Variants in RBM47 observed in about 807,000 individuals in gnomAD.
RBM47 encodes the protein RNA-binding protein 47.
Under a neutral mutation model 47.1 loss-of-function variants are expected in RBM47, and 21 were observed. The observed-to-expected ratio is 0.45, with a 90% CI of 0.32 to 0.64. RBM47 has a LOEUF of 0.64. Among genes scored for constraint, RBM47 ranks in the 30% least tolerant of loss-of-function variants. The pLI is 0.05. For missense variants in RBM47, 708 were observed against 870.9 expected, an observed-to-expected ratio of 0.81 and a Z score of 2.35; for synonymous variants, 375 against 361.7, an observed-to-expected ratio of 1.04 and a Z score of -0.42.
intron 1 of RBM47, among the ~76,000 whole-genome samples, chr4:40,578,855 C>T (rs1461564842): frequency 6.6e-6 from 1 of 152,204 alleles, no homozygotes; most frequent in South Asian, 2.1e-4. Context: ...CGATGGCTCA[C>T]GCCTGTAATT....
At chr4:40,611,682 C>T (rs764871813) in intron 1 of RBM47, among the ~76,000 whole-genome samples, 6 of 151,940 alleles carry the variant, frequency 3.9e-5, no homozygotes, top group Non-Finnish European at 8.8e-5. Flanking sequence ...GAGCCGAGAT[C>T]GCACCATTGC....
chr4:40,523,525 C>T (rs1041114792), intron 2 of RBM47, among the ~76,000 whole-genome samples: 8 of 152,044 alleles, frequency 5.3e-5, no homozygotes, highest in Non-Finnish European at 1.5e-5. Flanking sequence ...GTGGCAGGCA[C>T]CTGTAATCCT....
At chr4:40,439,488 C>T (rs1686841537) in intron 3 of RBM47, among the ~76,000 whole-genome samples, 1 of 152,150 alleles carries the variant, frequency 6.6e-6, no homozygotes, top group African/African-American at 2.4e-5. Flanking sequence ...GAAATGTGCA[C>T]ATTGCCACGG....
chr4:40,448,266 AGTGTGTGTGTGT>A (rs148826268), intron 3 of RBM47, among the ~76,000 whole-genome samples: 6 of 151,280 alleles, frequency 4.0e-5, no homozygotes, highest in Admixed American at 6.6e-5. Context: ...TGACTGTGAG[AGTGTGTGTGTGT>A]GAGTGTGAGT....
intron 1 of RBM47, among the ~76,000 whole-genome samples, chr4:40,612,489 G>C (rs1224699581): frequency 6.6e-6 from 1 of 152,224 alleles, no homozygotes; most frequent in Non-Finnish European, 1.5e-5. Context: ...TTGCACTCCA[G>C]CCTGGGCAAG....
At position 40,595,443 on chromosome 4, in the gene RBM47, G is replaced by A. The variant is rs551886866; in HGVS notation, c.-240+33953C>T. 2.2e-4 allele frequency among the ~76,000 whole-genome samples: 34 copies of A among 152,160 alleles called. No homozygotes were observed. The South Asian group carries it at 5.4e-3, about 24-fold the overall frequency. ...CGGGAGGTGGAGGTTGCAGTGAGCC[G>A]AGATTGCACCACTGCATTCCAGCCT... On this transcript the variant is annotated intron_variant, in intron 1 of 6. Transcript: ENST00000295971.
intron 2 of RBM47, among the ~76,000 whole-genome samples, chr4:40,510,256 C>T (rs577749536): frequency 1.5e-4 from 22 of 150,536 alleles, no homozygotes; most frequent in African/African-American, 4.1e-4. Context: ...GCAATAGCTT[C>T]GGGGACCATT....
chr4:40,498,670 CAAAAAAAAAAA>C (rs910303039), intron 2 of RBM47, among the ~76,000 whole-genome samples: 2 of 62,580 alleles, frequency 3.2e-5, no homozygotes, highest in Non-Finnish European at 6.8e-5. Context: ...GACTCCATCT[CAAAAAAAAAAA>C]AAAAAAAAAA....
chr4:40,555,482 T>G (rs1353729394), intron 1 of RBM47, among the ~76,000 whole-genome samples: 1 of 152,212 alleles, frequency 6.6e-6, no homozygotes, highest in African/African-American at 2.4e-5. Flanking sequence ...GAATACTGCC[T>G]GAGATGAGTG....
At chr4:40,472,040 A>G (rs778189916) in intron 2 of RBM47, among the ~76,000 whole-genome samples, 2 of 152,136 alleles carry the variant, frequency 1.3e-5, no homozygotes, top group Non-Finnish European at 2.9e-5. Flanking sequence ...TAGGACAAAA[A>G]CAGTAGACTG....
intron 1 of RBM47, among the ~76,000 whole-genome samples, chr4:40,588,734 T>A (rs965494785): frequency 1.3e-5 from 2 of 152,052 alleles, no homozygotes; most frequent in Non-Finnish European, 2.9e-5. Flanking sequence ...TTTCTTAGAA[T>A]GAAGACTCCA....
intron 2 of RBM47, among the ~76,000 whole-genome samples, chr4:40,523,421 C>T (rs1163821139): frequency 3.3e-5 from 5 of 151,972 alleles, no homozygotes; most frequent in Non-Finnish European, 5.9e-5. Flanking sequence ...GAGGCCAAGA[C>T]GGGCAGATAG....
chr4:40,597,430 T>C (rs1205886593), intron 1 of RBM47, among the ~76,000 whole-genome samples: 2 of 150,996 alleles, frequency 1.3e-5, no homozygotes, highest in Non-Finnish European at 2.9e-5. Flanking sequence ...ACCCCGTCTC[T>C]ACTAAAAATA....
rs1712963214 is a variant in RBM47, at chr4:40,438,022, C to A, written c.872G>T (p.Arg291Leu). 1 of 1,613,658 alleles carries A rather than the reference C, an allele frequency of 6.2e-7. No individual in the cohort carries two copies. The highest frequency in any genetic ancestry group is 8.5e-7 in the Non-Finnish European group (1 of 1,180,024). Residue 291 changes from arginine to leucine, a missense_variant, in exon 4 of 7, where the codon CGC (arginine) becomes CTC (leucine). Physicochemically the swap from Arg to Leu is moderately radical, Grantham distance 102 (BLOSUM62 -2). Coordinates refer to ENST00000295971, the MANE Select transcript of RBM47 (RefSeq NM_001098634.2). ...GTTCATGGCATGCACGGCATCCTCG[C>A]GGCTGGTGAAGTGCACGAAGGCGTA... ...RDYAFVHFTS[R>L]EDAVHAMNNL...
At chr4:40,481,399 A>G (rs1334815832) in intron 2 of RBM47, among the ~76,000 whole-genome samples, 1 of 149,052 alleles carries the variant, frequency 6.7e-6, no homozygotes, top group Non-Finnish European at 1.5e-5. Flanking sequence ...CAGCCTCCAG[A>G]GTAGCTGGGA....
intron 1 of RBM47, among the ~76,000 whole-genome samples, chr4:40,615,733 A>G (rs1172618974): frequency 6.6e-6 from 1 of 152,030 alleles, no homozygotes; most frequent in East Asian, 1.9e-4. Flanking sequence ...GTGAGCCAAG[A>G]TCACGCCACT....
At chr4:40,544,791 A>G (rs1728858122) in intron 1 of RBM47, among the ~76,000 whole-genome samples, 1 of 152,132 alleles carries the variant, frequency 6.6e-6, no homozygotes, top group African/African-American at 2.4e-5. Flanking sequence ...TGACAAAGAG[A>G]GAAAGGAGAG....
chr4:40,481,485 TA>T (rs1381916504), intron 2 of RBM47, among the ~76,000 whole-genome samples: 105 of 121,618 alleles, frequency 8.6e-4, no homozygotes, highest in African/African-American at 2.8e-3. Context: ...TTATTATTAT[TA>T]TTTTTATTTT....
In RBM47 at chr4:40,512,059, T is replaced by C. The variant is rs571945532; in HGVS notation, c.-155+32363A>G. On this transcript the variant is annotated intron_variant, in intron 2 of 6. Transcript: ENST00000295971. ...TGTCTAGAAATGGTTTGTTTTTAGA[T>C]TTTTCCCCAGAGTCTTTCTGTTCCT... 2.0e-5 allele frequency among the ~76,000 whole-genome samples: 3 copies of C among 152,274 alleles called. No homozygotes were observed. The South Asian group carries it at 6.2e-4, about 32-fold the overall frequency.
Sources: allele counts gnomAD v4.1 joint callset (sites outside exome capture counted in the v4.1 genomes callset), GRCh38; gene constraint gnomAD v4.1.1; transcripts MANE v1.5; gene names NCBI Gene and HGNC (gene_info 2026-07-23, HGNC 2026-07-21).